ENTHD1: variants seen among roughly 807,000 people sequenced by gnomAD.
The protein encoded by ENTHD1 is ENTH domain-containing protein 1.
ENTHD1 carries 23 observed loss-of-function variants against 39.1 expected under a neutral mutation model. The observed-to-expected ratio is 0.59, with a 90% CI of 0.42 to 0.83. ENTHD1 has a LOEUF of 0.83. ENTHD1 is among the 40% of genes least tolerant of loss of function. The pLI is 0.00. For synonymous variants in ENTHD1, 230 were observed against 258.2 expected (o/e 0.89, Z 1.05); for missense variants, 624 against 705.4 (o/e 0.88, Z 1.31).
rs2066314376 is a variant in ENTHD1, at chr22:39,879,173, G to T, written c.349+8227C>A. Among the ~76,000 whole-genome samples, 3 of 152,004 alleles carry T rather than the reference G, an allele frequency of 2.0e-5. No individual in the cohort carries two copies. In the South Asian group the frequency reaches 6.2e-4, roughly 32 times the overall value. The stretch of plus-strand genomic sequence containing the variant: ...CCTTAACAGACACCTCATTAAAGAA[G>T]ATATACAGGCCGGGCACGGTGGCTC... On this transcript the variant is annotated intron_variant, in intron 2 of 6. Transcript: ENST00000325157.
chr22:39,804,923 G>T (rs1355123895), intron 5 of ENTHD1, among the ~76,000 whole-genome samples: 1 of 148,902 alleles, frequency 6.7e-6, no homozygotes, highest in Non-Finnish European at 1.5e-5. Flanking sequence ...TAAGCTTCTA[G>T]CCCAGACTGA....
At chr22:39,888,694 G>T (rs910654705) in intron 1 of ENTHD1, among the ~76,000 whole-genome samples, 1 of 152,026 alleles carries the variant, frequency 6.6e-6, no homozygotes, top group African/African-American at 2.4e-5. Context: ...CCAAAGTGCT[G>T]GGATTATAGC....
chr22:39,839,883 G>T (rs2065931561), intron 3 of ENTHD1, among the ~76,000 whole-genome samples: 1 of 152,208 alleles, frequency 6.6e-6, no homozygotes, highest in African/African-American at 2.4e-5. Context: ...TATCTTGCAT[G>T]TTGGAGATGC....
At chr22:39,751,865 G>T (rs1445212183) in intron 6 of ENTHD1, among the ~76,000 whole-genome samples, 1 of 152,054 alleles carries the variant, frequency 6.6e-6, no homozygotes, top group African/African-American at 2.4e-5. Context: ...ATGTAAATGT[G>T]TATGTCTGTC....
chr22:39,778,553 G>A (rs531257138), intron 5 of ENTHD1, among the ~76,000 whole-genome samples: 86 of 152,182 alleles, frequency 5.7e-4, no homozygotes, highest in African/African-American at 2.0e-3. Context: ...TATTTCTTGT[G>A]AAACATAAAT....
intron 3 of ENTHD1, among the ~76,000 whole-genome samples, chr22:39,843,645 G>A (rs1382694024): frequency 6.6e-6 from 1 of 152,128 alleles, no homozygotes; most frequent in Non-Finnish European, 1.5e-5. Context: ...AGTGAGGAGG[G>A]AGGCAGGCAG....
chr22:39,767,950 T>C (rs1334657227), intron 5 of ENTHD1, among the ~76,000 whole-genome samples: 2 of 152,252 alleles, frequency 1.3e-5, no homozygotes, highest in Admixed American at 1.3e-4. Context: ...AATCTTTTGG[T>C]TGCTTGGACT....
chr22:39,828,839 A>G lies in ENTHD1; in HGVS notation c.711+7001T>C, dbSNP rs139784620. Among the ~76,000 whole-genome samples the G allele has an allele frequency of 3.2e-3, 484 of 152,340 alleles. 4 individuals carry two copies. Among genetic ancestry groups the G allele is most frequent in the African/African-American group, 0.011 (466 of 41,586 alleles). ...AACAGATCATGTCAGTCATAAATTT[A>G]AAGTCTTTCCTTAGTTTCAAAAGTA... On this transcript the variant is annotated intron_variant, in intron 4 of 6. Coordinates refer to ENST00000325157, the MANE Select transcript of ENTHD1 (RefSeq NM_152512.4).
chr22:39,865,259 G>A (rs1383132195), intron 2 of ENTHD1, among the ~76,000 whole-genome samples: 1 of 152,000 alleles, frequency 6.6e-6, no homozygotes, highest in African/African-American at 2.4e-5. Flanking sequence ...CCTGAGGTAG[G>A]ACTCAGCAGC....
chr22:39,765,690 A>G, intron 5 of ENTHD1, 81 bp from the exon 6 acceptor site: 1 of 1,335,648 alleles, frequency 7.5e-7, no homozygotes, highest in Non-Finnish European at 1.0e-6. Flanking sequence ...ATTTTAATAA[A>G]TAGGATTTTT....
intron 5 of ENTHD1, among the ~76,000 whole-genome samples, chr22:39,808,339 G>A (rs570872908): frequency 1.1e-4 from 16 of 152,268 alleles, no homozygotes; most frequent in African/African-American, 3.9e-4. Context: ...GGTCTGTTAA[G>A]CCACTAGACT....
At chr22:39,869,220 C>A (rs1335149588) in intron 2 of ENTHD1, among the ~76,000 whole-genome samples, 3 of 152,102 alleles carry the variant, frequency 2.0e-5, no homozygotes, top group Non-Finnish European at 2.9e-5. Flanking sequence ...AATCTAGGTG[C>A]CCATCAATGG....
At position 39,752,114 on chromosome 22, in the gene ENTHD1, G is replaced by GATATACTTTTTGGTATACTATATACT. The variant is rs566669570; in HGVS notation, c.1220-7857_1220-7832dup. On this transcript the variant is annotated intron_variant, in intron 6 of 6. Transcript: ENST00000325157. ...TCTCTATAGAAGAGAGAGAGAAATAGATATACTTTTTGGTATACTATATAC... is the reference window on the plus strand; with the variant it reads ...TCTCTATAGAAGAGAGAGAGAAATAGATATACTTTTTGGTATACTATATACTATATACTTTTTGGTATACTATATAC... 2.5e-4 allele frequency among the ~76,000 whole-genome samples: 38 copies of GATATACTTTTTGGTATACTATATACT among 151,832 alleles called. 2 individuals carry two copies. The South Asian group carries it at 7.3e-3, about 29-fold the overall frequency.
At chr22:39,790,945 A>G (rs1461165588) in intron 5 of ENTHD1, among the ~76,000 whole-genome samples, 1 of 151,772 alleles carries the variant, frequency 6.6e-6, no homozygotes, top group Non-Finnish European at 1.5e-5. Context: ...CCTTTATAAT[A>G]TTTTCAAACT....
At chr22:39,807,973 G>T (rs950299664) in intron 5 of ENTHD1, among the ~76,000 whole-genome samples, 3 of 151,884 alleles carry the variant, frequency 2.0e-5, no homozygotes, top group African/African-American at 7.3e-5. Context: ...CAGTCAAAAG[G>T]TTTGAAACAC....
intron 5 of ENTHD1, among the ~76,000 whole-genome samples, chr22:39,800,528 G>C (rs2065590637): frequency 6.6e-6 from 1 of 152,218 alleles, no homozygotes; most frequent in Non-Finnish European, 1.5e-5. Flanking sequence ...CTGGGACCTA[G>C]AGTCAGTTTA....
intron 5 of ENTHD1, among the ~76,000 whole-genome samples, chr22:39,803,243 G>A (rs1251528742): frequency 6.6e-6 from 1 of 151,854 alleles, no homozygotes; most frequent in African/African-American, 2.4e-5. Context: ...TGCAATTCTA[G>A]AAGCAAACTA....
rs148816467 is a variant in ENTHD1, at chr22:39,786,526, C to T, written c.833-20917G>A. ...TTAGATATGATGTTAGACCTCACTC[C>T]ATCAGCATTTCTCTTAATCTGACTT... is the stretch of plus-strand genomic sequence containing the variant. On this transcript the variant is annotated intron_variant, in intron 5 of 6. Coordinates refer to ENST00000325157, the MANE Select transcript of ENTHD1 (RefSeq NM_152512.4). 7.2e-4 allele frequency among the ~76,000 whole-genome samples: 109 copies of T among 152,272 alleles called. No individual in the cohort carries two copies. In the East Asian group the frequency reaches 0.02, roughly 27 times the overall value.
At chr22:39,800,996 A>T (rs950231040) in intron 5 of ENTHD1, among the ~76,000 whole-genome samples, 1 of 152,240 alleles carries the variant, frequency 6.6e-6, no homozygotes, top group African/African-American at 2.4e-5. Context: ...TGAGGAGGTC[A>T]CTAACAAAGG....
Sources: allele counts gnomAD v4.1 joint callset (sites outside exome capture counted in the v4.1 genomes callset), GRCh38; gene constraint gnomAD v4.1.1; transcripts MANE v1.5; gene names NCBI Gene and HGNC (gene_info 2026-07-23, HGNC 2026-07-21).